Variants in SMAD1 observed in about 807,000 individuals in gnomAD.
SMAD1 encodes the protein SMAD family member 1.
A neutral mutation model predicts 41.6 loss-of-function variants in SMAD1; 6 were observed. The ratio of observed to expected loss-of-function variants is 0.14; its 90% CI spans 0.08 to 0.28. The LOEUF (loss-of-function observed/expected upper bound fraction) is 0.28, where lower values mean the gene tolerates loss of function less well. SMAD1 is among the 10% of genes least tolerant of loss of function. The pLI, the probability that SMAD1 is intolerant of heterozygous loss-of-function variation, is 1.00. For missense variants in SMAD1, 379 were observed against 582.6 expected (o/e 0.65, Z 3.60); for synonymous variants, 206 against 203.2 (o/e 1.01, Z -0.12).
At chr4:145,510,968 CTG>C (rs1202450218) in intron 1 of SMAD1, among the ~76,000 whole-genome samples, 6 of 152,138 alleles carry the variant, frequency 3.9e-5, no homozygotes, top group African/African-American at 1.4e-4. Context: ...TTAAAAATCT[CTG>C]GTGATACCTC....
intron 1 of SMAD1, among the ~76,000 whole-genome samples, chr4:145,489,442 T>C (rs898612608): frequency 6.6e-6 from 1 of 151,786 alleles, no homozygotes; most frequent in African/African-American, 2.4e-5. Context: ...CTGGTAAAGG[T>C]AGACATGGAA....
intron 1 of SMAD1, chr4:145,497,063 T>G (rs967486566): frequency 1.3e-5 from 2 of 152,258 alleles, no homozygotes; most frequent in Non-Finnish European, 2.9e-5. Flanking sequence ...AAATAGGCAT[T>G]TCTCTAGAAT....
At chr4:145,541,017 C>T (rs867617967) in intron 3 of SMAD1, among the ~76,000 whole-genome samples, 23 of 151,732 alleles carry the variant, frequency 1.5e-4, no homozygotes, top group African/African-American at 3.6e-4. Context: ...TTGTTTTGTC[C>T]GGTTTTCAGT....
At chr4:145,528,667 G>A (rs960613020) in intron 2 of SMAD1, among the ~76,000 whole-genome samples, 3 of 152,214 alleles carry the variant, frequency 2.0e-5, no homozygotes, top group African/African-American at 7.2e-5. Context: ...AGATGCCTGG[G>A]TGACACCTAG....
intron 2 of SMAD1, among the ~76,000 whole-genome samples, chr4:145,522,277 C>T (rs1418011763): frequency 3.3e-5 from 5 of 150,508 alleles, no homozygotes; most frequent in Admixed American, 6.6e-5. Flanking sequence ...CCAGCCAGGG[C>T]GACAGAGCAA....
intron 5 of SMAD1, among the ~76,000 whole-genome samples, chr4:145,547,561 G>A (rs1024446269): frequency 6.6e-6 from 1 of 152,192 alleles, no homozygotes; most frequent in Non-Finnish European, 1.5e-5. Context: ...GTAGGGGTAG[G>A]ATTTCAAATA....
chr4:145,550,665 T>C (rs1732505008), intron 5 of SMAD1, among the ~76,000 whole-genome samples: 1 of 152,222 alleles, frequency 6.6e-6, no homozygotes, highest in African/African-American at 2.4e-5. Context: ...TCAAATGATA[T>C]GATTATTTAT....
intron 1 of SMAD1, among the ~76,000 whole-genome samples, chr4:145,496,189 TAGAA>T (rs1729065003): frequency 1.3e-5 from 2 of 151,934 alleles, no homozygotes; most frequent in African/African-American, 4.8e-5. Context: ...AAGAATAAAT[TAGAA>T]AGGGATGGAA....
intron 1 of SMAD1, among the ~76,000 whole-genome samples, chr4:145,502,519 T>A (rs1318454888): frequency 6.6e-6 from 1 of 152,206 alleles, no homozygotes. Context: ...TCTCTGTGAT[T>A]AAGAAAAATT....
At chr4:145,521,520 T>C (rs562010276) in intron 2 of SMAD1, among the ~76,000 whole-genome samples, 1 of 152,310 alleles carries the variant, frequency 6.6e-6, no homozygotes, top group East Asian at 1.9e-4. Context: ...CGTAAAATCC[T>C]CTTCACCTGT....
chr4:145,481,785 G>C (rs569246733), upstream of SMAD1: 1,399 of 191,816 alleles, frequency 7.3e-3, 33 homozygotes, highest in African/African-American at 0.031. Context: ...GGGCAGGCGA[G>C]TGCGCCGGGT....
At position 145,498,366 on chromosome 4, in the gene SMAD1, T is replaced by G. The variant is rs553618793; in HGVS notation, c.-176-16072T>G. Reference sequence around the variant, plus strand: ...CATGTATTTTACCAGAATACATTTCTCTGAAAATCCTATGCAGATACACTT... The same window carrying G: ...CATGTATTTTACCAGAATACATTTCGCTGAAAATCCTATGCAGATACACTT... On this transcript the variant is annotated intron_variant, in intron 1 of 6. Coordinates refer to ENST00000302085, the MANE Select transcript of SMAD1 (RefSeq NM_005900.3). Among the ~76,000 whole-genome samples, 19 of 152,372 alleles carry G rather than the reference T, an allele frequency of 1.2e-4. 1 individual carries two copies. Among genetic ancestry groups the G allele is most frequent in the African/African-American group, 4.6e-4 (19 of 41,598 alleles).
intron 2 of SMAD1, among the ~76,000 whole-genome samples, chr4:145,535,319 G>T (rs544110220): frequency 1.4e-4 from 21 of 152,300 alleles, no homozygotes; most frequent in African/African-American, 4.8e-4. Context: ...CATTCACCCA[G>T]CATTTCCACA....
intron 2 of SMAD1, among the ~76,000 whole-genome samples, chr4:145,521,400 G>A (rs890447043): frequency 6.6e-6 from 1 of 152,012 alleles, no homozygotes; most frequent in African/African-American, 2.4e-5. Flanking sequence ...GCTTGAAAGG[G>A]CATATTAAAT....
intron 3 of SMAD1, among the ~76,000 whole-genome samples, chr4:145,540,417 C>A (rs537478704): frequency 1.7e-4 from 26 of 152,324 alleles, no homozygotes; most frequent in Admixed American, 3.9e-4. Flanking sequence ...AGAACACAAC[C>A]TCAATCAGCA....
At chr4:145,515,152 G>GTGTT in intron 2 of SMAD1, 139 bp downstream of exon 2, 1 of 691,982 alleles carries the variant, frequency 1.4e-6, no homozygotes. Flanking sequence ...GTGTGTGTGT[G>GTGTT]TGTGTGTGTG....
chr4:145,510,079 C>T (rs904299154), intron 1 of SMAD1, among the ~76,000 whole-genome samples: 1 of 152,056 alleles, frequency 6.6e-6, no homozygotes, highest in African/African-American at 2.4e-5. Flanking sequence ...AGACATGCAC[C>T]GTTTGCCATG....
At chr4:145,542,184 C>T (rs1731984096) in intron 3 of SMAD1, among the ~76,000 whole-genome samples, 1 of 152,246 alleles carries the variant, frequency 6.6e-6, no homozygotes, top group African/African-American at 2.4e-5. Flanking sequence ...AGCTCCTTTT[C>T]TTAAGAAGTC....
chr4:145,509,166 A>C (rs1451371375), intron 1 of SMAD1, among the ~76,000 whole-genome samples: 2 of 152,162 alleles, frequency 1.3e-5, no homozygotes, highest in African/African-American at 2.4e-5. Flanking sequence ...GAGTCCCTGG[A>C]AGGTCACCTA....
Sources: allele counts gnomAD v4.1 joint callset (sites outside exome capture counted in the v4.1 genomes callset), GRCh38; gene constraint gnomAD v4.1.1; transcripts MANE v1.5; gene names NCBI Gene and HGNC (gene_info 2026-07-23, HGNC 2026-07-21).